The following NWD2 variants were observed in gnomAD, a reference collection of about 807,000 sequenced individuals.
The protein encoded by NWD2 is NACHT and WD repeat domain containing 2.
A neutral mutation model predicts 132.7 loss-of-function variants in NWD2; 37 were observed. The observed-to-expected ratio is 0.28, with a 90% CI of 0.21 to 0.37. The LOEUF is 0.37. Among genes scored for constraint, NWD2 ranks in the 10% least tolerant of loss-of-function variants. The pLI is 1.00. For synonymous variants in NWD2, 705 were observed against 803.0 expected, an observed-to-expected ratio of 0.88 and a Z score of 2.06; for missense variants, 1,592 against 2,122.4, an observed-to-expected ratio of 0.75 and a Z score of 4.91.
chr4:37,366,530 C>G (rs1039595777), intron 3 of NWD2, among the ~76,000 whole-genome samples: 73 of 152,120 alleles, frequency 4.8e-4, no homozygotes, highest in African/African-American at 1.7e-3. Context: ...GATAACACAA[C>G]TATTTTATTC....
chr4:37,392,759 A>G (rs1720703848), intron 3 of NWD2, among the ~76,000 whole-genome samples: 1 of 152,204 alleles, frequency 6.6e-6, no homozygotes, highest in African/African-American at 2.4e-5. Flanking sequence ...ACTGCAGGGC[A>G]CTCAATAAAT....
intron 1 of NWD2, among the ~76,000 whole-genome samples, chr4:37,273,289 T>C (rs1280110229): frequency 2.0e-5 from 3 of 151,960 alleles, no homozygotes; most frequent in African/African-American, 7.2e-5. Context: ...TCCTAGGCTC[T>C]GATAAAACAG....
chr4:37,316,778 T>A (rs1718968259), intron 1 of NWD2, among the ~76,000 whole-genome samples: 1 of 152,216 alleles, frequency 6.6e-6, no homozygotes, highest in African/African-American at 2.4e-5. Context: ...ACATTTTTTC[T>A]GTGTCACATT....
chr4:37,283,066 G>T (rs1259901902), intron 1 of NWD2, among the ~76,000 whole-genome samples: 1 of 152,088 alleles, frequency 6.6e-6, no homozygotes. Flanking sequence ...TCTGACATGA[G>T]GCTCTGAGCC....
intron 1 of NWD2, among the ~76,000 whole-genome samples, chr4:37,294,385 A>C (rs1205067770): frequency 1.3e-5 from 2 of 151,974 alleles, no homozygotes; most frequent in African/African-American, 2.4e-5. Context: ...TATGCCCCAC[A>C]CCCTCAAGCC....
intron 3 of NWD2, among the ~76,000 whole-genome samples, chr4:37,415,730 G>T (rs576064449): frequency 1.9e-4 from 28 of 146,184 alleles, no homozygotes; most frequent in Non-Finnish European, 4.2e-4. Context: ...ATAGGCAAAA[G>T]ATACTTAATA....
chr4:37,429,095 G>C (rs1467071944), intron 3 of NWD2, among the ~76,000 whole-genome samples: 1 of 151,892 alleles, frequency 6.6e-6, no homozygotes, highest in Non-Finnish European at 1.5e-5. Context: ...TAATATATAT[G>C]TATACCAAAA....
At chr4:37,330,718 G>A (rs950402798) in intron 2 of NWD2, among the ~76,000 whole-genome samples, 4 of 152,166 alleles carry the variant, frequency 2.6e-5, no homozygotes, top group Non-Finnish European at 5.9e-5. Context: ...ACAGAGCTTG[G>A]CATTTAGTGG....
At chr4:37,254,494 T>A (rs1717470545) in intron 1 of NWD2, among the ~76,000 whole-genome samples, 1 of 152,224 alleles carries the variant, frequency 6.6e-6, no homozygotes, top group African/African-American at 2.4e-5. Flanking sequence ...ATAATGGTCA[T>A]GTTATTTAAA....
intron 1 of NWD2, among the ~76,000 whole-genome samples, chr4:37,255,775 CTG>C (rs1717505398): frequency 1.3e-5 from 2 of 152,084 alleles, no homozygotes; most frequent in African/African-American, 2.4e-5. Context: ...GAACTGCAGC[CTG>C]AGTGATATGA....
chr4:37,431,756 A>C (rs1208147853), intron 4 of NWD2, among the ~76,000 whole-genome samples: 1 of 152,154 alleles, frequency 6.6e-6, no homozygotes, highest in Non-Finnish European at 1.5e-5. Context: ...AATGAAAAAA[A>C]CTAAATCCAA....
intron 1 of NWD2, among the ~76,000 whole-genome samples, chr4:37,253,787 A>T (rs571815231): frequency 6.6e-6 from 1 of 152,238 alleles, no homozygotes; most frequent in South Asian, 2.1e-4. Context: ...GTAGATTGAT[A>T]TGCAGCAATA....
intron 1 of NWD2, among the ~76,000 whole-genome samples, chr4:37,318,831 A>G (rs1378233255): frequency 6.6e-6 from 1 of 152,156 alleles, no homozygotes; most frequent in Non-Finnish European, 1.5e-5. Flanking sequence ...ATAACTGCAT[A>G]GTATTCCATG....
At chr4:37,414,140 AATT>A in intron 3 of NWD2, among the ~76,000 whole-genome samples, 1 of 152,132 alleles carries the variant, frequency 6.6e-6, no homozygotes, top group East Asian at 1.9e-4. Context: ...AAAAAAAAGA[AATT>A]ATCCTTAATT....
intron 1 of NWD2, among the ~76,000 whole-genome samples, chr4:37,288,900 T>G (rs1718300163): frequency 6.6e-6 from 1 of 152,136 alleles, no homozygotes; most frequent in South Asian, 2.1e-4. Context: ...GATGAATCGG[T>G]TATTATTTAA....
chr4:37,246,916 A>G (rs1330803701), intron 1 of NWD2, among the ~76,000 whole-genome samples: 3 of 152,204 alleles, frequency 2.0e-5, no homozygotes, highest in Non-Finnish European at 4.4e-5. Flanking sequence ...AATTTATACT[A>G]TCAGCTTAAT....
intron 1 of NWD2, among the ~76,000 whole-genome samples, chr4:37,298,273 G>C (rs539907343): frequency 2.0e-5 from 3 of 152,162 alleles, no homozygotes; most frequent in Non-Finnish European, 4.4e-5. Context: ...GCACATGCTT[G>C]ATCCTTGTTT....
chr4:37,448,160 C>T lies in NWD2; in HGVS notation c.*943C>T, dbSNP rs1346917477. ...GCAGTTAGTCTTCATAGAAAGCAAG[C>T]TTTCTCAACATGCCATCTCTGAGAT... On this transcript the variant is annotated 3_prime_UTR_variant, in exon 7 of 7. Transcript: ENST00000309447. 1 of 152,210 alleles carries T rather than the reference C, an allele frequency of 6.6e-6. No individual in the cohort carries two copies. The allele number at this position is 152,210 out of a possible 1,614,324, so 9.4% of individuals were successfully genotyped here.
chr4:37,342,946 C>T (rs1719559553), intron 2 of NWD2, among the ~76,000 whole-genome samples: 1 of 152,006 alleles, frequency 6.6e-6, no homozygotes, highest in South Asian at 2.1e-4. Context: ...TCATGCCCTC[C>T]TATATATCCG....
Sources: allele counts gnomAD v4.1 joint callset (sites outside exome capture counted in the v4.1 genomes callset), GRCh38; gene constraint gnomAD v4.1.1; transcripts MANE v1.5; gene names NCBI Gene and HGNC (gene_info 2026-07-23, HGNC 2026-07-21).